The following QRSL1 variants were observed in gnomAD, a reference collection of about 807,000 sequenced individuals.
QRSL1 encodes the protein glutamyl-tRNA(Gln) amidotransferase subunit A, mitochondrial.
QRSL1 carries 54 observed loss-of-function variants against 61.6 expected under a neutral mutation model. The ratio of observed to expected loss-of-function variants is 0.88; its 90% confidence interval spans 0.70 to 1.10. QRSL1 has a LOEUF of 1.10. QRSL1 is among the 50% of genes least tolerant of loss of function. The pLI is 0.00. For synonymous variants in QRSL1, 228 were observed against 225.7 expected (o/e 1.01, Z -0.09); for missense variants, 505 against 622.6 (o/e 0.81, Z 2.01).
At position 106,654,924 on chromosome 6, in the gene QRSL1, T is replaced by C; in HGVS notation, c.1042+2T>C. The C allele has an allele frequency of 6.4e-7, 1 of 1,564,060 alleles. No individual in the cohort carries two copies. The highest frequency in any genetic ancestry group is 8.6e-7 in the Non-Finnish European group (1 of 1,156,684). On this transcript the variant is annotated splice_donor_variant, in intron 8 of 10. Coordinates refer to ENST00000369046, the MANE Select transcript of QRSL1 (RefSeq NM_018292.5). LOFTEE classifies it high-confidence loss of function. The stretch of plus-strand genomic sequence containing the variant: ...CAAGATTTGATGGGCTACAATATGG[T>C]AAGATGGCTGGGTTATTTTATTTTT...
intron 7 of QRSL1, chr6:106,653,854 C>T (rs914623076): frequency 6.6e-6 from 1 of 150,528 alleles, no homozygotes; most frequent in Non-Finnish European, 1.5e-5. Flanking sequence ...AAGGCAATAT[C>T]TGTGCATTCT....
chr6:106,650,711 A>G (rs1332860140), intron 5 of QRSL1, among the ~76,000 whole-genome samples: 1 of 152,178 alleles, frequency 6.6e-6, no homozygotes. Context: ...AAGTTGCAGA[A>G]CCCATTTCTG....
In QRSL1 at chr6:106,655,019, T is replaced by A. The variant is rs1777245232; in HGVS notation, c.1042+97T>A. On this transcript the variant is annotated intron_variant, in intron 8 of 10. Transcript: ENST00000369046. ...AAAAAAGTTAATGCTTGAGATAATG[T>A]TAGTGATTCAGAAAAGTTCATCAGT... 5 of 1,167,360 alleles carry A rather than the reference T, an allele frequency of 4.3e-6. No individual in the cohort carries two copies. The South Asian group carries it at 8.0e-5, about 19-fold the overall frequency. 72.3% of individuals were successfully genotyped at this position (1,167,360 alleles called of 1,614,324 possible).
chr6:106,649,665 A>G (rs1403619600), intron 5 of QRSL1, among the ~76,000 whole-genome samples: 2 of 152,216 alleles, frequency 1.3e-5, no homozygotes, highest in African/African-American at 4.8e-5. Context: ...ATGTATTAAT[A>G]AGATATTTTA....
intron 5 of QRSL1, among the ~76,000 whole-genome samples, chr6:106,651,020 G>T (rs1183673504): frequency 6.6e-6 from 1 of 152,092 alleles, no homozygotes; most frequent in Admixed American, 6.5e-5. Flanking sequence ...TTAAAAACAT[G>T]CAATCAGTCT....
chr6:106,636,062 A>G (rs527955048), intron 1 of QRSL1, among the ~76,000 whole-genome samples: 1 of 152,268 alleles, frequency 6.6e-6, no homozygotes, highest in African/African-American at 2.4e-5. Context: ...TTGAGCACCA[A>G]CATGATTTTC....
chr6:106,632,881 T>C (rs1198867399), intron 1 of QRSL1, among the ~76,000 whole-genome samples: 1 of 152,240 alleles, frequency 6.6e-6, no homozygotes, highest in Non-Finnish European at 1.5e-5. Flanking sequence ...TGGAGTGTGA[T>C]AGTTCTTCTT....
At chr6:106,650,273 G>A (rs770455164) in intron 5 of QRSL1, among the ~76,000 whole-genome samples, 22 of 152,212 alleles carry the variant, frequency 1.4e-4, no homozygotes, top group Admixed American at 4.6e-4. Context: ...TTACATAGCC[G>A]TCAGTGAATG....
In QRSL1 at chr6:106,640,497, G is replaced by A. The variant is rs1171931506; in HGVS notation, c.173G>A (p.Arg58Lys). ...ALKQAEESEK[R>K]YKNGQSLGDL... ...AAACAAGCTGAAGAATCAGAAAAGA[G>A]ATATAAGAATGGTAAATTGCTTTTA... Residue 58 changes from arginine (R) to lysine (K), a missense_variant, in exon 2 of 11, where the codon AGA (arginine) becomes AAA (lysine). Physicochemically the swap from Arg to Lys is conservative, Grantham distance 26 (BLOSUM62 2). Coordinates refer to ENST00000369046, the MANE Select transcript of QRSL1 (RefSeq NM_018292.5). 1 of 1,573,706 alleles carries A rather than the reference G, an allele frequency of 6.4e-7. No homozygotes were observed. The highest frequency in any genetic ancestry group is 8.6e-7 in the Non-Finnish European group (1 of 1,165,632).
At chr6:106,648,900 A>G in intron 4 of QRSL1, 125 bp from the exon 5 acceptor site, 1 of 925,314 alleles carries the variant, frequency 1.1e-6, no homozygotes, top group Non-Finnish European at 1.5e-6. Flanking sequence ...CACCTTTTTC[A>G]ATTCAAGCTA....
chr6:106,640,555 T>A (rs1777001934), intron 2 of QRSL1, 47 bp downstream of exon 2: 2 of 1,446,812 alleles, frequency 1.4e-6, no homozygotes, highest in Non-Finnish European at 1.9e-6. Flanking sequence ...CCAGAGAAGT[T>A]TAATTGTTTG....
intron 9 of QRSL1, among the ~76,000 whole-genome samples, chr6:106,658,784 C>A (rs183610826): frequency 5.8e-4 from 89 of 152,188 alleles, no homozygotes; most frequent in African/African-American, 2.1e-3. Context: ...TCTTCTTCTG[C>A]ATAGGGGTTT....
At chr6:106,660,198 C>A (rs1777333998) in intron 9 of QRSL1, among the ~76,000 whole-genome samples, 1 of 151,642 alleles carries the variant, frequency 6.6e-6, no homozygotes, top group African/African-American at 2.4e-5. Context: ...ATCTCATTTT[C>A]TTTTCTTTTC....
At chr6:106,657,412 TA>T (rs1206371625) in intron 9 of QRSL1, among the ~76,000 whole-genome samples, 1 of 152,212 alleles carries the variant, frequency 6.6e-6, no homozygotes, top group African/African-American at 2.4e-5. Context: ...CTAAAGATAT[TA>T]CTTTTGCCAA....
At chr6:106,656,536 T>C (rs190731256) in intron 9 of QRSL1, among the ~76,000 whole-genome samples, 2 of 152,374 alleles carry the variant, frequency 1.3e-5, no homozygotes, top group African/African-American at 4.8e-5. Context: ...TAAGAGGACA[T>C]GAGAAGTGTG....
chr6:106,649,313 T>C, intron 5 of QRSL1, 112 bp downstream of exon 5: 1 of 1,043,456 alleles, frequency 9.6e-7, no homozygotes, highest in East Asian at 2.5e-5. Context: ...TCTAGTGAGC[T>C]ATATGTGCTC....
rs796131926 is a variant in QRSL1, at chr6:106,635,870, C to CAA, written c.25-4466_25-4465dup. On this transcript the variant is annotated intron_variant, in intron 1 of 10. Transcript: ENST00000369046. Reference sequence around the variant, plus strand: ...TGGGCAACAGAGCGAGACTCCATTTCAAAAAAAAAAAAAAGACAGTTCTTT... The same window carrying CAA: ...TGGGCAACAGAGCGAGACTCCATTTCAAAAAAAAAAAAAAAAGACAGTTCTTT... Among the ~76,000 whole-genome samples, 478 of 124,902 alleles carry CAA rather than the reference C, an allele frequency of 3.8e-3. 5 individuals are homozygous for CAA. Among genetic ancestry groups the CAA allele is most frequent in the African/African-American group, 0.013 (443 of 33,776 alleles). 81.9% of individuals were successfully genotyped at this position (124,902 alleles called of 152,430 possible). A position where few individuals can be genotyped will look rare whatever the true frequency, so the allele number is the denominator to read the frequency against.
At chr6:106,634,138 C>T (rs1257183436) in intron 1 of QRSL1, among the ~76,000 whole-genome samples, 1 of 151,990 alleles carries the variant, frequency 6.6e-6, no homozygotes, top group Non-Finnish European at 1.5e-5. Flanking sequence ...GAACACTGGG[C>T]AGATCTGAGA....
At chr6:106,639,111 G>GTTTTTTTTTTTTTTTTTTTTTTTTTTTT (rs1562164982) in intron 1 of QRSL1, among the ~76,000 whole-genome samples, 1 of 60,754 alleles carries the variant, frequency 1.6e-5, no homozygotes, top group Admixed American at 2.0e-4. Context: ...TTATTTGTGT[G>GTTTTTTTTTTTTTTTTTTTTTTTTTTTT]TTTTGTTGTT....
Sources: allele counts gnomAD v4.1 joint callset (sites outside exome capture counted in the v4.1 genomes callset), GRCh38; gene constraint gnomAD v4.1.1; transcripts MANE v1.5; gene names NCBI Gene and HGNC (gene_info 2026-07-23, HGNC 2026-07-21).